Variants in DLGAP2 observed in about 807,000 individuals in gnomAD.
DLGAP2 encodes DLG associated protein 2.
In DLGAP2, 26 loss-of-function variants were observed where a neutral mutation model predicts 100.3. The ratio of observed to expected loss-of-function variants is 0.26; its 90% CI spans 0.19 to 0.36. The LOEUF (loss-of-function observed/expected upper bound fraction) is 0.36, where lower values mean the gene tolerates loss of function less well. Among genes scored for constraint, DLGAP2 ranks in the 10% least tolerant of loss-of-function variants. The probability of loss-of-function intolerance (pLI) is 1.00; values close to 1 mark genes in which losing one functional copy is unlikely to be tolerated. For missense variants in DLGAP2, 1,858 were observed against 1,453.2 expected (o/e 1.28, Z -4.53); for synonymous variants, 886 against 630.1 (o/e 1.41, Z -6.08).
In DLGAP2 at chr8:1,549,381, C is replaced by G; in HGVS notation, c.928C>G (p.Arg310Gly). ...CAACCTGGACAGCGACAGCACCTAT[C>G]GGACGCCCAGCGTGCTCAACCGGCA... ...DDNLDSDSTYRTPSVLNRHHL... is the reference protein window; with the variant it reads ...DDNLDSDSTYGTPSVLNRHHL... The change falls in exon 5 of 15, where the codon CGG becomes GGG. Residue 310 changes from arginine to glycine, a missense_variant. Physicochemically the swap from Arg to Gly is moderately radical, Grantham distance 125. Transcript: ENST00000637795. 6.2e-7 allele frequency: 1 copy of G among 1,613,496 alleles called. No individual in the cohort carries two copies. The highest frequency in any genetic ancestry group is 8.5e-7 in the Non-Finnish European group (1 of 1,179,812).
chr8:1,127,563 G>A (rs1025352436), intron 2 of DLGAP2, among the ~76,000 whole-genome samples: 2 of 152,200 alleles, frequency 1.3e-5, no homozygotes, highest in Admixed American at 6.5e-5. Context: ...TCCTGCATCC[G>A]ATGGACATTG....
At chr8:1,555,559 G>A (rs746548910) in intron 5 of DLGAP2, among the ~76,000 whole-genome samples, 11 of 152,178 alleles carry the variant, frequency 7.2e-5, no homozygotes, top group Non-Finnish European at 1.0e-4. Context: ...GGTGCTCACC[G>A]AGCCCGTTCG....
intron 3 of DLGAP2, among the ~76,000 whole-genome samples, chr8:1,344,694 G>A (rs1043937643): frequency 5.9e-5 from 9 of 152,186 alleles, no homozygotes; most frequent in East Asian, 1.9e-4. Context: ...GCGCTCCTCC[G>A]TAACCCCACA....
At chr8:1,344,011 C>T (rs550625590) in intron 3 of DLGAP2, among the ~76,000 whole-genome samples, 3 of 152,106 alleles carry the variant, frequency 2.0e-5, no homozygotes, top group South Asian at 4.2e-4. Flanking sequence ...GTCCTATTCA[C>T]AGATGTTTCC....
At chr8:1,481,479 T>TTTTTTTTTTTTTTTTTTTTTTTTTG in intron 3 of DLGAP2, among the ~76,000 whole-genome samples, 1 of 124,600 alleles carries the variant, frequency 8.0e-6, no homozygotes. Context: ...TTCTTTTTTT[T>TTTTTTTTTTTTTTTTTTTTTTTTTG]TTTTTTTTTT....
chr8:1,501,268 T>G, intron 3 of DLGAP2, 98 bp from the exon 4 acceptor site: 2 of 1,278,098 alleles, frequency 1.6e-6, no homozygotes, highest in Non-Finnish European at 2.2e-6. Flanking sequence ...CTGTCATGTT[T>G]GAACTGTTGA....
rs932271368 is a variant in DLGAP2 at position 1,331,754 on chromosome 8, G to A, written c.106+72871G>A. Among the ~76,000 whole-genome samples, 62 of 152,180 alleles carry A rather than the reference G, an allele frequency of 4.1e-4. 1 individual carries two copies. Among genetic ancestry groups the A allele is most frequent in the African/African-American group, 1.3e-3 (55 of 41,434 alleles). On this transcript the variant is annotated intron_variant, in intron 3 of 14. Coordinates refer to ENST00000637795, the MANE Select transcript of DLGAP2 (RefSeq NM_001346810.2). ...AAAACGTGTCTTGTTTTGCTTATGG[G>A]CTGGGCACACCTTCTCTCATATCTC...
chr8:1,025,765 A>C (rs1166549816), intron 2 of DLGAP2, among the ~76,000 whole-genome samples: 1 of 152,196 alleles, frequency 6.6e-6, no homozygotes, highest in Non-Finnish European at 1.5e-5. Context: ...GGACCAGCCT[A>C]ACGGGGGTTC....
intron 3 of DLGAP2, among the ~76,000 whole-genome samples, chr8:1,288,238 C>T (rs1464854233): frequency 1.4e-3 from 128 of 91,294 alleles, no homozygotes; most frequent in African/African-American, 5.3e-3. Flanking sequence ...GAACTAGTTT[C>T]GTTTCAGTGT....
chr8:760,805 C>T (rs1187495000), intron 1 of DLGAP2, among the ~76,000 whole-genome samples: 2 of 152,168 alleles, frequency 1.3e-5, no homozygotes, highest in Non-Finnish European at 1.5e-5. Context: ...TGCTCGGCAG[C>T]GTCCCCCCAC....
intron 2 of DLGAP2, among the ~76,000 whole-genome samples, chr8:966,815 T>C (rs529270658): frequency 6.6e-6 from 1 of 152,358 alleles, no homozygotes; most frequent in South Asian, 2.1e-4. Flanking sequence ...GTCAACCTTC[T>C]TCCAGCTTTA....
At chr8:1,202,180 G>C (rs933305526) in intron 2 of DLGAP2, among the ~76,000 whole-genome samples, 7 of 152,096 alleles carry the variant, frequency 4.6e-5, no homozygotes, top group African/African-American at 1.7e-4. Context: ...GTATCTGTGT[G>C]CGTGTGGTGT....
intron 2 of DLGAP2, among the ~76,000 whole-genome samples, chr8:1,186,871 C>T (rs955331389): frequency 2.0e-5 from 3 of 152,156 alleles, no homozygotes; most frequent in Non-Finnish European, 4.4e-5. Flanking sequence ...CACATGCCCC[C>T]ACGTCTGCCC....
At chr8:1,625,846 A>T (rs558778488) in intron 6 of DLGAP2, among the ~76,000 whole-genome samples, 141 of 152,364 alleles carry the variant, frequency 9.3e-4, no homozygotes, top group African/African-American at 3.3e-3. Flanking sequence ...CACATTCATA[A>T]ATATGAATCT....
At chr8:1,200,649 T>C (rs1299402308) in intron 2 of DLGAP2, among the ~76,000 whole-genome samples, 1 of 152,176 alleles carries the variant, frequency 6.6e-6, no homozygotes, top group Non-Finnish European at 1.5e-5. Flanking sequence ...CTGCAGATGT[T>C]GGTTTGACAA....
At chr8:860,851 TA>T (rs1361726761) in intron 1 of DLGAP2, among the ~76,000 whole-genome samples, 1 of 152,126 alleles carries the variant, frequency 6.6e-6, no homozygotes, top group African/African-American at 2.4e-5. Context: ...CGTAATATCA[TA>T]CCAAATCATG....
At chr8:1,060,117 A>G (rs1364745082) in intron 2 of DLGAP2, among the ~76,000 whole-genome samples, 1 of 152,166 alleles carries the variant, frequency 6.6e-6, no homozygotes, top group Non-Finnish European at 1.5e-5. Flanking sequence ...GTCAGATGTG[A>G]ACCACGGAGT....
chr8:1,117,429 G>A (rs1805152849), intron 2 of DLGAP2, among the ~76,000 whole-genome samples: 1 of 152,224 alleles, frequency 6.6e-6, no homozygotes, highest in Non-Finnish European at 1.5e-5. Context: ...TCAAGTGTCA[G>A]ATTCACAGAG....
chr8:1,571,642 C>T (rs1465079748), intron 6 of DLGAP2, among the ~76,000 whole-genome samples: 1 of 105,034 alleles, frequency 9.5e-6, no homozygotes, highest in Admixed American at 1.3e-4. Flanking sequence ...ACTATGGGGG[C>T]ATCTGATGAG....
Sources: gnomAD v4.1 joint callset for allele counts (sites outside exome capture counted in the v4.1 genomes callset) on GRCh38, gnomAD v4.1.1 for gene constraint, MANE v1.5 for transcripts, NCBI Gene and HGNC (gene_info 2026-07-23, HGNC 2026-07-21) for gene names.